Variants in ONECUT1 observed in about 807,000 individuals in gnomAD.
ONECUT1 encodes one cut homeobox 1.
Under a neutral mutation model 25.6 loss-of-function variants are expected in ONECUT1, and 12 were observed. That is an observed-to-expected ratio of 0.47 (90% CI 0.30 to 0.76). The LOEUF is 0.76. ONECUT1 is among the 30% of genes least tolerant of loss of function. ONECUT1 has a pLI of 0.07. For synonymous variants in ONECUT1, 285 were observed against 270.2 expected, an observed-to-expected ratio of 1.05 and a Z score of -0.54; for missense variants, 620 against 651.2, an observed-to-expected ratio of 0.95 and a Z score of 0.52.
chr15:52,757,519 G>C lies in ONECUT1; in HGVS notation c.*36C>G, dbSNP rs2083680132. The C allele has an allele frequency of 4.5e-6, 7 of 1,563,110 alleles. No individual in the cohort carries two copies. The highest frequency in any genetic ancestry group is 6.0e-6 in the Non-Finnish European group (7 of 1,159,414). ...TTTTAAAAATTTTTTTTAATTTAAA[G>C]CTTTTCCACCGAGGTTTTAGTTTGT... On this transcript the variant is annotated 3_prime_UTR_variant, in exon 2 of 2. Transcript: ENST00000305901.
chr15:52,786,728 A>G (rs1440859502), intron 1 of ONECUT1, among the ~76,000 whole-genome samples: 1 of 151,370 alleles, frequency 6.6e-6, no homozygotes, highest in African/African-American at 2.4e-5. Flanking sequence ...CCAGGTTTCC[A>G]TGGCTCAGAG....
chr15:52,788,940 G>T lies in ONECUT1; in HGVS notation c.945C>A (p.Phe315Leu). The change falls in exon 1 of 2, where the codon TTC becomes TTA. Residue 315 changes from phenylalanine to leucine, a missense_variant. Transcript: ENST00000305901. The surrounding 1 kb of genome is among the most constrained non-coding windows in gnomAD (Gnocchi z 4.3). ...GGGAGCGGCAGAGCACCCTCTGCGC[G>T]AAGATGGCCTGTGGGATGCTGTAGC... is the stretch of plus-strand genomic sequence containing the variant. ...LKRYSIPQAI[F>L]AQRVLCRSQG... The T allele has an allele frequency of 6.2e-7, 1 of 1,613,942 alleles. No homozygotes were observed.
intron 1 of ONECUT1, among the ~76,000 whole-genome samples, chr15:52,774,947 T>C (rs1055980958): frequency 6.6e-6 from 1 of 152,162 alleles, no homozygotes; most frequent in Admixed American, 6.5e-5. Flanking sequence ...AGAGCTAGAA[T>C]AAGAGGTTGA....
At chr15:52,774,094 C>T (rs1257959412) in intron 1 of ONECUT1, among the ~76,000 whole-genome samples, 1 of 149,290 alleles carries the variant, frequency 6.7e-6, no homozygotes. Context: ...GTAGTATGTA[C>T]CATCCCATAG....
At chr15:52,769,775 G>A (rs182868690) in intron 1 of ONECUT1, among the ~76,000 whole-genome samples, 3 of 152,324 alleles carry the variant, frequency 2.0e-5, no homozygotes, top group East Asian at 3.9e-4. Context: ...GGGCCACTGA[G>A]TACCAGAGGG....
At position 52,790,014 on chromosome 15, in the gene ONECUT1, T is replaced by A; in HGVS notation, c.-130A>T. On this transcript the variant is annotated 5_prime_UTR_variant, in exon 1 of 2. Coordinates refer to ENST00000305901, the MANE Select transcript of ONECUT1 (RefSeq NM_004498.4). ...GCCTTCCTTCCTCTCACTGTGGGGC[T>A]CTGTCTCTCTCTCTCTCTCTCTCCG... 1.5e-6 allele frequency: 2 copies of A among 1,330,848 alleles called. No individual in the cohort carries two copies. The highest frequency in any genetic ancestry group is 1.9e-6 in the Non-Finnish European group (2 of 1,034,112). 82.4% of individuals were successfully genotyped at this position (1,330,848 alleles called of 1,614,324 possible).
At chr15:52,773,059 T>C (rs578216082) in intron 1 of ONECUT1, among the ~76,000 whole-genome samples, 68 of 152,214 alleles carry the variant, frequency 4.5e-4, no homozygotes, top group Non-Finnish European at 6.0e-4. Flanking sequence ...TCCCAAGTGA[T>C]GCTGGGGCGT....
At chr15:52,769,969 T>C (rs2141452404) in intron 1 of ONECUT1, among the ~76,000 whole-genome samples, 1 of 152,332 alleles carries the variant, frequency 6.6e-6, no homozygotes, top group Non-Finnish European at 1.5e-5. Context: ...TTGAAGAAAT[T>C]CAAATTCAAG....
chr15:52,755,727 T>C lies in ONECUT1; in HGVS notation c.*1828A>G, dbSNP rs1241806516. Among the ~76,000 whole-genome samples, 2 of 152,232 alleles carry C rather than the reference T, an allele frequency of 1.3e-5. No individual in the cohort carries two copies. Among genetic ancestry groups the C allele is most frequent in the East Asian group, 3.8e-4 (2 of 5,200 alleles). ...ATCATTAGGATAACATTTAATTTCA[T>C]AGTTCTAAGTAGGGGTGGTAATTAA... On this transcript the variant is annotated 3_prime_UTR_variant, in exon 2 of 2. Transcript: ENST00000305901.
At chr15:52,778,762 T>A (rs2083820461) in intron 1 of ONECUT1, among the ~76,000 whole-genome samples, 1 of 152,164 alleles carries the variant, frequency 6.6e-6, no homozygotes, top group Non-Finnish European at 1.5e-5. Context: ...AGCACTAAAC[T>A]TAGAAGAGAC....
chr15:52,758,096 T>C (rs1045080598), intron 1 of ONECUT1, among the ~76,000 whole-genome samples: 1 of 152,208 alleles, frequency 6.6e-6, no homozygotes, highest in African/African-American at 2.4e-5. Flanking sequence ...TTGTCCTGGG[T>C]AAGTCAGTTA....
Sources: gnomAD v4.1 joint callset for allele counts (sites outside exome capture counted in the v4.1 genomes callset) on GRCh38, gnomAD v4.1.1 for gene constraint, Gnocchi (gnomAD v3.1) non-coding constraint, MANE v1.5 for transcripts, NCBI Gene and HGNC (gene_info 2026-07-23, HGNC 2026-07-21) for gene names.